PWWP4: variants seen among roughly 807,000 people sequenced by gnomAD.
PWWP4 encodes putative PWWP domain-containing DNA repair factor 4.
chrX:153,270,984 A>G (rs2051804440), upstream of PWWP4, among the ~76,000 whole-genome samples: 1 of 95,794 alleles, frequency 1.0e-5, no homozygotes, highest in Non-Finnish European at 2.1e-5. Flanking sequence ...TGCACATGAC[A>G]TGGTGCCGAC....
At chrX:153,266,258 T>C in the PWWP4 span, among the ~76,000 whole-genome samples, 1 of 94,187 alleles carries the variant, frequency 1.1e-5, no homozygotes, top group Non-Finnish European at 2.1e-5. Context: ...TGTGACTGTG[T>C]CGGGGGCGGG....
At chrX:153,272,863 C>T (rs1223366692) in exon 1 of PWWP4, among the ~76,000 whole-genome samples, 3 of 114,349 alleles carry the variant, frequency 2.6e-5, no homozygotes, top group Non-Finnish European at 5.6e-5. Context: ...TGCCCCTACT[C>T]CAGGTGCCCT....
chrX:153,266,490 T>A, the PWWP4 span, among the ~76,000 whole-genome samples: 1 of 100,124 alleles, frequency 1.0e-5, no homozygotes, highest in Admixed American at 1.1e-4. Context: ...TGTGAGGATG[T>A]GTGTGTGTGA....
At chrX:153,271,708 C>T (rs1283169555) in exon 1 of PWWP4, among the ~76,000 whole-genome samples, 1 of 85,292 alleles carries the variant, frequency 1.2e-5, no homozygotes, top group South Asian at 5.9e-4. Context: ...AAAAACGAAG[C>T]CTGAAAAGGC....
At chrX:153,271,285 C>T (rs1484287143), upstream of PWWP4, among the ~76,000 whole-genome samples, 1 of 112,467 alleles carries the variant, frequency 8.9e-6, no homozygotes, top group Non-Finnish European at 1.9e-5. Flanking sequence ...CTGTCTATCC[C>T]TCTGTCTAAG....
At chrX:153,272,659 C>G (rs1337680677) in exon 1 of PWWP4, among the ~76,000 whole-genome samples, 1 of 111,786 alleles carries the variant, frequency 8.9e-6, no homozygotes, top group East Asian at 3.2e-4. Flanking sequence ...AGGCGCCCTG[C>G]GAGGTTACAA....
chrX:153,266,617 A>C, the PWWP4 span, among the ~76,000 whole-genome samples: 1 of 107,881 alleles, frequency 9.3e-6, no homozygotes, highest in Non-Finnish European at 1.9e-5. Flanking sequence ...CACTGTCCTG[A>C]GGTGACACCT....
upstream of PWWP4, among the ~76,000 whole-genome samples, chrX:153,271,348 G>A (rs1380792535): frequency 2.1e-4 from 23 of 109,091 alleles, 1 homozygote; most frequent in Non-Finnish European, 3.6e-4. Context: ...AGGGTGCTTC[G>A]CGTTTCACGA....
At chrX:153,272,794 G>C (rs1359006842) in exon 1 of PWWP4, among the ~76,000 whole-genome samples, 1 of 113,898 alleles carries the variant, frequency 8.8e-6, no homozygotes, top group African/African-American at 3.2e-5. Context: ...GGCACGCAGC[G>C]CCATTGCTTC....
upstream of PWWP4, among the ~76,000 whole-genome samples, chrX:153,270,261 A>T (rs1293422178): frequency 9.3e-5 from 10 of 107,774 alleles, 3 homozygotes; most frequent in East Asian, 3.9e-3. Flanking sequence ...GACTGCTAAC[A>T]TGGAATCCTT....
chrX:153,270,176 TTCTCTCTC>T (rs1184739253), upstream of PWWP4, among the ~76,000 whole-genome samples: 2 of 102,609 alleles, frequency 1.9e-5, no homozygotes, highest in Admixed American at 2.1e-4. Context: ...CACATTTCAT[TTCTCTCTC>T]TCTCTCTCTC....
exon 1 of PWWP4, among the ~76,000 whole-genome samples, chrX:153,272,669 A>G (rs1390979531): frequency 6.3e-5 from 6 of 95,253 alleles, no homozygotes; most frequent in Middle Eastern, 9.9e-3. Flanking sequence ...CGAGGTTACA[A>G]GTCATGGGTG....
chrX:153,266,392 T>C, the PWWP4 span, among the ~76,000 whole-genome samples: 2 of 100,515 alleles, frequency 2.0e-5, no homozygotes, highest in African/African-American at 3.9e-5. Flanking sequence ...CGCGCGTGTG[T>C]GTGGATGTGT....
exon 1 of PWWP4, among the ~76,000 whole-genome samples, chrX:153,272,928 T>G (rs1285165139): frequency 1.1e-5 from 1 of 89,730 alleles, no homozygotes; most frequent in Non-Finnish European, 2.2e-5. Context: ...CAGGCGCCCT[T>G]CACAGGGACA....
chrX:153,270,130 C>T (rs1366614347), upstream of PWWP4, among the ~76,000 whole-genome samples: 2 of 108,322 alleles, frequency 1.8e-5, no homozygotes, highest in Non-Finnish European at 3.8e-5. Context: ...ACAAGACTCA[C>T]CTGTCATGTT....
chrX:153,270,976 C>A (rs1185637541), upstream of PWWP4, among the ~76,000 whole-genome samples: 1 of 96,006 alleles, frequency 1.0e-5, no homozygotes, highest in African/African-American at 3.8e-5. Context: ...GGTGCTCTTG[C>A]ACATGACATG....
upstream of PWWP4, among the ~76,000 whole-genome samples, chrX:153,270,087 G>A (rs1488355590): frequency 9.4e-4 from 102 of 108,494 alleles, no homozygotes; most frequent in Middle Eastern, 4.7e-3. Context: ...CCCATTTCAT[G>A]TTATTTGAGA....
chrX:153,271,585 C>T (rs1388888983), upstream of PWWP4, among the ~76,000 whole-genome samples: 1 of 107,498 alleles, frequency 9.3e-6, no homozygotes, highest in Non-Finnish European at 1.9e-5. Context: ...GCAGACCCCT[C>T]GGCCTCCCTT....
chrX:153,275,979 C>T (rs1351535201), exon 1 of PWWP4, among the ~76,000 whole-genome samples: 2 of 76,383 alleles, frequency 2.6e-5, no homozygotes, highest in African/African-American at 5.8e-5. Flanking sequence ...TGCACCGTGT[C>T]GGCTCTCAGG....
Sources: allele counts gnomAD v4.1 joint callset (sites outside exome capture counted in the v4.1 genomes callset), GRCh38; gene constraint gnomAD v4.1.1; transcripts MANE v1.5; gene names NCBI Gene and HGNC (gene_info 2026-07-23, HGNC 2026-07-21).